The following SUSD4 variants were observed in gnomAD, a reference collection of about 807,000 sequenced individuals.
The protein encoded by SUSD4 is sushi domain containing 4.
In SUSD4, 41 loss-of-function variants were observed where a neutral mutation model predicts 50.5. The observed-to-expected ratio is 0.81, with a 90% confidence interval of 0.63 to 1.05. The LOEUF (loss-of-function observed/expected upper bound fraction) is 1.05, where lower values mean the gene tolerates loss of function less well. Ranked by LOEUF, SUSD4 falls within the 50% of genes least tolerant of loss-of-function variation. The pLI is 0.00. For missense variants in SUSD4, 580 were observed against 634.7 expected (o/e 0.91, Z 0.93); for synonymous variants, 257 against 257.3 (o/e 1.00, Z 0.01).
At chr1:223,295,120 G>A (rs897417287) in intron 2 of SUSD4, among the ~76,000 whole-genome samples, 1 of 152,214 alleles carries the variant, frequency 6.6e-6, no homozygotes. Flanking sequence ...GGGTTAGGAA[G>A]AGGTCTAAGA....
At position 223,229,412 on chromosome 1, in the gene SUSD4, AG is replaced by A. The variant is rs1659746601; in HGVS notation, c.725-25del. 6.4e-7 allele frequency: 1 copy of A among 1,566,756 alleles called. No homozygotes were observed. The highest frequency in any genetic ancestry group is 8.7e-7 in the Non-Finnish European group (1 of 1,145,498). On this transcript the variant is annotated intron_variant, in intron 5 of 8. Coordinates refer to ENST00000366878, the MANE Select transcript of SUSD4 (RefSeq NM_017982.4). This position sits in a 1 kb window ranked among gnomAD's most constrained non-coding sequence, Gnocchi z 4.7. ...GACTTGGGCAGTAGGGGAGAATAAA[AG>A]TTTCAGAACCACAAGCTCACCTTTG... is the stretch of plus-strand genomic sequence containing the variant.
chr1:223,365,214 G>C (rs1366154179), upstream of SUSD4, among the ~76,000 whole-genome samples: 6 of 150,334 alleles, frequency 4.0e-5, no homozygotes, highest in African/African-American at 1.2e-4. Context: ...TCTCTGCGCC[G>C]ATTCTGGTGT....
intron 3 of SUSD4, among the ~76,000 whole-genome samples, chr1:223,285,110 C>T (rs934551414): frequency 6.6e-6 from 1 of 152,170 alleles, no homozygotes; most frequent in Admixed American, 6.5e-5. Flanking sequence ...TAAAACATCA[C>T]TATGTATCCC....
intron 2 of SUSD4, among the ~76,000 whole-genome samples, chr1:223,319,501 G>A (rs1558246427): frequency 2.0e-5 from 3 of 152,140 alleles, no homozygotes; most frequent in Admixed American, 1.3e-4. Flanking sequence ...GAGTCCAGCA[G>A]GCTCTGTCCC....
chr1:223,262,324 G>A (rs74145791), intron 5 of SUSD4, among the ~76,000 whole-genome samples: 9,046 of 152,188 alleles, frequency 0.059, 414 homozygotes, highest in East Asian at 0.14. Flanking sequence ...TAATTCCACA[G>A]CCCAGTGCAA....
At chr1:223,253,453 C>T (rs771452444) in intron 5 of SUSD4, among the ~76,000 whole-genome samples, 7 of 152,008 alleles carry the variant, frequency 4.6e-5, no homozygotes, top group African/African-American at 9.7e-5. Flanking sequence ...ATTTTACCCA[C>T]GCATCACTCC....
At position 223,309,551 on chromosome 1, in the gene SUSD4, A is replaced by G. The variant is rs75715697; in HGVS notation, c.149-16900T>C. On this transcript the variant is annotated intron_variant, in intron 2 of 8. Transcript: ENST00000366878. The stretch of plus-strand genomic sequence containing the variant: ...AGTAGGACTGAGTTCCTAAGGGGCA[A>G]CCTGAGCCCTCTCACTATAGCAGTG... 6.0e-3 allele frequency among the ~76,000 whole-genome samples: 912 copies of G among 152,210 alleles called. 11 individuals are homozygous for G. Among genetic ancestry groups the G allele is most frequent in the African/African-American group, 0.021 (873 of 41,498 alleles).
intron 2 of SUSD4, among the ~76,000 whole-genome samples, chr1:223,328,008 C>T (rs934731271): frequency 4.0e-5 from 6 of 151,776 alleles, no homozygotes; most frequent in Non-Finnish European, 7.4e-5. Flanking sequence ...TCTTTATCCA[C>T]AAAGGCAACC....
chr1:223,228,237 G>A (rs1659659799), intron 6 of SUSD4, among the ~76,000 whole-genome samples: 1 of 152,208 alleles, frequency 6.6e-6, no homozygotes, highest in South Asian at 2.1e-4. Context: ...TGCCTGCCAG[G>A]TCAGGGGCAG....
At chr1:223,224,338 TAAAC>T (rs559012498) in intron 7 of SUSD4, among the ~76,000 whole-genome samples, 31 of 152,124 alleles carry the variant, frequency 2.0e-4, no homozygotes, top group African/African-American at 5.5e-4. Flanking sequence ...TGTTGTCTCA[TAAAC>T]AAACAAACAA....
Position 223,271,833 on chromosome 1 carries a change from C to A in SUSD4, c.362-3158G>T, listed in dbSNP as rs147212073. 4.4e-3 allele frequency among the ~76,000 whole-genome samples: 676 copies of A among 152,298 alleles called. 7 individuals are homozygous for A. The highest frequency in any genetic ancestry group is 0.026 in the South Asian group (124 of 4,828). The stretch of plus-strand genomic sequence containing the variant: ...CCTTCTTTCCACAGAAAAAAAGAAT[C>A]TAGGATCTTTAGTGTCTGACAGTAA... On this transcript the variant is annotated intron_variant, in intron 3 of 8. Transcript: ENST00000366878.
chr1:223,328,221 T>A (rs1416421098), intron 2 of SUSD4, among the ~76,000 whole-genome samples: 2 of 152,206 alleles, frequency 1.3e-5, no homozygotes, highest in Admixed American at 1.3e-4. Flanking sequence ...GTTGGACTCA[T>A]GTTTTATAAA....
chr1:223,344,987 C>T (rs1667953446), intron 2 of SUSD4, among the ~76,000 whole-genome samples: 1 of 152,254 alleles, frequency 6.6e-6, no homozygotes, highest in African/African-American at 2.4e-5. Context: ...CCCTCTCCTT[C>T]TCTACAGCTC....
At chr1:223,346,245 C>A (rs1572108034) in intron 2 of SUSD4, among the ~76,000 whole-genome samples, 2 of 152,096 alleles carry the variant, frequency 1.3e-5, no homozygotes, top group Non-Finnish European at 2.9e-5. Flanking sequence ...GAACCAAAAC[C>A]CTAACGTATG....
At chr1:223,260,181 G>A (rs1245906835) in intron 5 of SUSD4, among the ~76,000 whole-genome samples, 2 of 152,212 alleles carry the variant, frequency 1.3e-5, no homozygotes, top group Admixed American at 1.3e-4. Flanking sequence ...TGTAGTGGCT[G>A]CCATCTGTAA....
rs193070551 is a variant in SUSD4 at position 223,231,577 on chromosome 1, G to C, written c.725-2189C>G. 1.2e-3 allele frequency among the ~76,000 whole-genome samples: 187 copies of C among 152,308 alleles called. 3 individuals carry two copies. Among genetic ancestry groups the C allele is most frequent in the Admixed American group, 0.01 (158 of 15,296 alleles). ...AAGTTTGCTACCACCAGGGTGCTCT[G>C]GGAGCATCTCCAGGAAATAAAGCAG... On this transcript the variant is annotated intron_variant, in intron 5 of 8. Coordinates refer to ENST00000366878, the MANE Select transcript of SUSD4 (RefSeq NM_017982.4). The surrounding 1 kb of genome is among the most constrained non-coding windows in gnomAD (Gnocchi z 4.2).
At chr1:223,309,500 C>T (rs1173818470) in intron 2 of SUSD4, among the ~76,000 whole-genome samples, 1 of 152,164 alleles carries the variant, frequency 6.6e-6, no homozygotes, top group Non-Finnish European at 1.5e-5. Flanking sequence ...TGAAGTGGTG[C>T]TCAGGACTGG....
intron 3 of SUSD4, among the ~76,000 whole-genome samples, chr1:223,279,764 G>C (rs527363546): frequency 6.6e-5 from 10 of 152,240 alleles, no homozygotes; most frequent in African/African-American, 2.4e-4. Context: ...CTCGAGAAGA[G>C]CAACTCCAAG....
intron 2 of SUSD4, among the ~76,000 whole-genome samples, chr1:223,325,473 T>G (rs752040245): frequency 3.3e-5 from 5 of 152,080 alleles, no homozygotes; most frequent in Middle Eastern, 3.2e-3. Context: ...CATCCTATGG[T>G]TTCACCCATT....
Sources: gnomAD v4.1 joint callset for allele counts (sites outside exome capture counted in the v4.1 genomes callset) on GRCh38, gnomAD v4.1.1 for gene constraint, Gnocchi (gnomAD v3.1) non-coding constraint, MANE v1.5 for transcripts, NCBI Gene and HGNC (gene_info 2026-07-23, HGNC 2026-07-21) for gene names.